Variants in SOX5 observed in about 807,000 individuals in gnomAD.
SOX5 encodes SRY-box transcription factor 5.
SOX5 carries 9 observed loss-of-function variants against 92.0 expected under a neutral mutation model. That is an observed-to-expected ratio of 0.10 (90% CI 0.06 to 0.17). SOX5 has a LOEUF of 0.17. Ranked by LOEUF, SOX5 falls within the 10% of genes least tolerant of loss-of-function variation. SOX5 has a pLI of 1.00. For missense variants in SOX5, 642 were observed against 944.5 expected (o/e 0.68, Z 4.20); for synonymous variants, 344 against 336.3 (o/e 1.02, Z -0.25).
intron 2 of SOX5, among the ~76,000 whole-genome samples, chr12:24,314,650 C>T (rs1422673259): frequency 4.6e-5 from 7 of 152,164 alleles, no homozygotes; most frequent in African/African-American, 1.7e-4. Flanking sequence ...CCTTACAATG[C>T]CCTATGCGGC....
intron 4 of SOX5, among the ~76,000 whole-genome samples, chr12:24,150,382 T>C (rs1951534071): frequency 1.3e-5 from 2 of 152,128 alleles, no homozygotes; most frequent in Non-Finnish European, 2.9e-5. Flanking sequence ...CTGAGGAAAA[T>C]ATCATTAATT....
At chr12:24,538,810 T>G (rs1324363367) in intron 1 of SOX5, among the ~76,000 whole-genome samples, 1 of 152,196 alleles carries the variant, frequency 6.6e-6, no homozygotes, top group African/African-American at 2.4e-5. Context: ...CGGTTAGCAG[T>G]ACTATGACAT....
At chr12:23,584,565 TG>T in intron 9 of SOX5, 1 of 1,610,954 alleles carries the variant, frequency 6.2e-7, no homozygotes, top group Non-Finnish European at 8.5e-7. Context: ...ACAGCTCCTA[TG>T]GCACAAATCT....
intron 4 of SOX5, among the ~76,000 whole-genome samples, chr12:24,125,167 T>C (rs1442819847): frequency 5.3e-5 from 8 of 152,222 alleles, no homozygotes; most frequent in African/African-American, 1.2e-4. Flanking sequence ...ATTTATTACA[T>C]AGGCCAAACT....
chr12:24,259,670 C>T (rs1011888305), intron 3 of SOX5, among the ~76,000 whole-genome samples: 1 of 152,108 alleles, frequency 6.6e-6, no homozygotes, highest in Non-Finnish European at 1.5e-5. Flanking sequence ...GAAAAACTTT[C>T]TAAGTATTAT....
At chr12:23,847,798 G>T (rs1238123540) in intron 2 of SOX5, among the ~76,000 whole-genome samples, 1 of 151,982 alleles carries the variant, frequency 6.6e-6, no homozygotes, top group Non-Finnish European at 1.5e-5. Flanking sequence ...ATATTTTATG[G>T]ACAAAGTAGC....
At chr12:24,172,977 TTTTTA>T (rs1468024349) in intron 4 of SOX5, among the ~76,000 whole-genome samples, 15 of 152,344 alleles carry the variant, frequency 9.8e-5, no homozygotes, top group African/African-American at 3.6e-4. Flanking sequence ...GAAGTCTCAC[TTTTTA>T]TTTTAATTTC....
intron 3 of SOX5, among the ~76,000 whole-genome samples, chr12:23,798,464 C>G (rs73263711): frequency 1.0e-3 from 157 of 152,044 alleles, no homozygotes; most frequent in African/African-American, 3.7e-3. Flanking sequence ...TTTGGTTAAT[C>G]TCACTGCATA....
At chr12:24,412,860 T>C (rs371079329) in intron 1 of SOX5, among the ~76,000 whole-genome samples, 2 of 149,010 alleles carry the variant, frequency 1.3e-5, no homozygotes. Context: ...GTTCACACCA[T>C]TCTCCTGGCC....
At chr12:23,907,171 T>C (rs899886823) in intron 1 of SOX5, among the ~76,000 whole-genome samples, 5 of 152,066 alleles carry the variant, frequency 3.3e-5, no homozygotes, top group Non-Finnish European at 5.9e-5. Flanking sequence ...TATGCAACCA[T>C]GTGTGTGCAT....
At chr12:24,039,411 A>G (rs2136972300) in intron 4 of SOX5, among the ~76,000 whole-genome samples, 1 of 152,328 alleles carries the variant, frequency 6.6e-6, no homozygotes, top group Non-Finnish European at 1.5e-5. Context: ...ACATTGATAG[A>G]TAATACTGAG....
intron 4 of SOX5, among the ~76,000 whole-genome samples, chr12:24,171,206 CAG>C (rs1954073191): frequency 1.2e-5 from 1 of 82,950 alleles, no homozygotes; most frequent in Non-Finnish European, 2.3e-5. Flanking sequence ...CATTGGCCAA[CAG>C]TTTTTTTTGT....
At chr12:24,133,204 C>A (rs920718616) in intron 4 of SOX5, among the ~76,000 whole-genome samples, 1 of 152,092 alleles carries the variant, frequency 6.6e-6, no homozygotes, top group Non-Finnish European at 1.5e-5. Context: ...CTTGCTACTG[C>A]GAGCAAGTAG....
At chr12:24,151,546 G>C (rs1951652844) in intron 4 of SOX5, among the ~76,000 whole-genome samples, 1 of 152,060 alleles carries the variant, frequency 6.6e-6, no homozygotes, top group African/African-American at 2.4e-5. Flanking sequence ...TGGTAGTAGT[G>C]ATGATGATGA....
intron 1 of SOX5, among the ~76,000 whole-genome samples, chr12:24,378,105 T>C (rs955595075): frequency 6.6e-6 from 1 of 152,242 alleles, no homozygotes; most frequent in Admixed American, 6.5e-5. Flanking sequence ...GGCAAAGTTT[T>C]AGGTAGAATT....
At chr12:24,044,561 C>T (rs1956820562) in intron 4 of SOX5, among the ~76,000 whole-genome samples, 1 of 152,148 alleles carries the variant, frequency 6.6e-6, no homozygotes, top group Admixed American at 6.5e-5. Flanking sequence ...AGAATGTTTC[C>T]ATCTCCACAT....
intron 2 of SOX5, among the ~76,000 whole-genome samples, chr12:23,890,382 G>A (rs1195784673): frequency 6.6e-6 from 1 of 150,950 alleles, no homozygotes. Context: ...AATCAAAAGA[G>A]AATTTGGCTA....
chr12:23,814,592 A>G (rs958753657), intron 3 of SOX5, among the ~76,000 whole-genome samples: 7 of 152,344 alleles, frequency 4.6e-5, no homozygotes, highest in East Asian at 1.9e-4. Context: ...TTTCACTTCA[A>G]TTAACAGATT....
intron 10 of SOX5, among the ~76,000 whole-genome samples, chr12:23,571,881 C>G (rs1280721433): frequency 6.6e-6 from 1 of 151,634 alleles, no homozygotes; most frequent in Non-Finnish European, 1.5e-5. Context: ...AGTTAAGGGT[C>G]TATAATTGTA....
Sources: allele counts gnomAD v4.1 joint callset (sites outside exome capture counted in the v4.1 genomes callset), GRCh38; gene constraint gnomAD v4.1.1; transcripts MANE v1.5; gene names NCBI Gene and HGNC (gene_info 2026-07-23, HGNC 2026-07-21).